The following MTOR variants were observed in gnomAD, a reference collection of about 807,000 sequenced individuals.
MTOR encodes mechanistic target of rapamycin kinase.
In MTOR, 70 loss-of-function variants were observed where a neutral mutation model predicts 319.8. The ratio of observed to expected loss-of-function variants is 0.22; its 90% CI spans 0.18 to 0.27. The LOEUF (loss-of-function observed/expected upper bound fraction) is 0.27, where lower values mean the gene tolerates loss of function less well. Among genes scored for constraint, MTOR ranks in the 10% least tolerant of loss-of-function variants. The pLI is 1.00. For missense variants in MTOR, 1,890 were observed against 3,274.4 expected (o/e 0.58, Z 10.32); for synonymous variants, 1,183 against 1,211.4 (o/e 0.98, Z 0.49).
chr1:11,122,512 T>A (rs1175920686), intron 47 of MTOR, among the ~76,000 whole-genome samples: 2 of 148,046 alleles, frequency 1.4e-5, no homozygotes, highest in Admixed American at 6.7e-5. Context: ...ATTTTTTTTT[T>A]TTTTTTTTTT....
At position 11,115,679 on chromosome 1, in the gene MTOR, G is replaced by A. The variant is rs1006282245; in HGVS notation, c.7017-211C>T. ...CTGTTCCAGGCTGCTTCCATGCTAC[G>A]ACAGCAGAGCTGACTAGTTGTGACA... On this transcript the variant is annotated intron_variant, in intron 50 of 57. Coordinates refer to ENST00000361445, the MANE Select transcript of MTOR (RefSeq NM_004958.4). This position sits in a 1 kb window ranked among gnomAD's most constrained non-coding sequence, Gnocchi z 4.5. The A allele has an allele frequency of 1.9e-6, 1 of 536,452 alleles. No homozygotes were observed. The highest frequency in any genetic ancestry group is 3.4e-6 in the Non-Finnish European group (1 of 295,072). The allele number at this position is 536,452 out of a possible 1,614,324, so 33.2% of individuals were successfully genotyped here.
At position 11,204,624 on chromosome 1, in the gene MTOR, T is replaced by G; in HGVS notation, c.3881A>C (p.Asp1294Ala). 1.2e-6 allele frequency: 2 copies of G among 1,614,124 alleles called. No homozygotes were observed. The highest frequency in any genetic ancestry group is 1.7e-6 in the Non-Finnish European group (2 of 1,180,036). The change falls in exon 26 of 58, where the codon GAC (aspartate) becomes GCC (alanine). Residue 1294 changes from aspartate to alanine, a missense_variant. Physicochemically the swap from Asp to Ala is moderately radical, Grantham distance 126. Around this residue, in one of 15 missense-constraint regions of MTOR, gnomAD observed 49 missense variants for 119.1 expected, o/e 0.41. Coordinates refer to ENST00000361445, the MANE Select transcript of MTOR (RefSeq NM_004958.4). ...GGAGCGCAGGGAGGGCGATGATGAG[T>G]CCTTCAGCAGCTCCAGGCTCAGCCG... ...LRRLSLELLK[D>A]SSSPSLRSCW...
At chr1:11,119,754 AAAAC>A (rs1442267915) in intron 49 of MTOR, among the ~76,000 whole-genome samples, 2 of 151,444 alleles carry the variant, frequency 1.3e-5, no homozygotes, top group East Asian at 3.9e-4. Context: ...TCAAAAAAAA[AAAAC>A]AAAACAAAAC....
intron 54 of MTOR, chr1:11,111,445 T>C (rs920092762): frequency 1.4e-4 from 22 of 156,566 alleles, no homozygotes; most frequent in Admixed American, 9.7e-4. Flanking sequence ...TGCGCCACCA[T>C]ACTCCAGCCT....
chr1:11,200,815 A>C (rs1018810172), intron 26 of MTOR, among the ~76,000 whole-genome samples: 2 of 152,094 alleles, frequency 1.3e-5, no homozygotes, highest in African/African-American at 4.8e-5. Flanking sequence ...GGAGATCGAG[A>C]CCATCCTGGC....
intron 29 of MTOR, among the ~76,000 whole-genome samples, chr1:11,164,637 C>T (rs531727420): frequency 6.6e-6 from 1 of 152,162 alleles, no homozygotes; most frequent in Non-Finnish European, 1.5e-5. Flanking sequence ...CAGGACTAGA[C>T]AGGTTCACAG....
Position 11,129,039 on chromosome 1 carries a change from G to T in MTOR, c.5715-88C>A. The T allele has an allele frequency of 9.1e-7, 1 of 1,098,398 alleles. No homozygotes were observed. The highest frequency in any genetic ancestry group is 1.3e-6 in the Non-Finnish European group (1 of 742,516). 68.0% of individuals were successfully genotyped at this position (1,098,398 alleles called of 1,614,324 possible). A position where few individuals can be genotyped will look rare whatever the true frequency, so the allele number is the denominator to read the frequency against. On this transcript the variant is annotated intron_variant, in intron 40 of 57. Coordinates refer to ENST00000361445, the MANE Select transcript of MTOR (RefSeq NM_004958.4). This position sits in a 1 kb window ranked among gnomAD's most constrained non-coding sequence, Gnocchi z 4.7. ...CATCTCTAAGGCTCCTGAGAAGAGAGCTGGCAGGGACTCCAACCAGTAACT... is the reference window on the plus strand; with the variant it reads ...CATCTCTAAGGCTCCTGAGAAGAGATCTGGCAGGGACTCCAACCAGTAACT...
intron 28 of MTOR, 48 bp from the exon 29 acceptor site, chr1:11,167,565 T>C (rs1476735396): frequency 2.0e-6 from 3 of 1,497,152 alleles, no homozygotes; most frequent in Non-Finnish European, 2.8e-6. Context: ...GGTCTGAGGG[T>C]AGGAGATGTG....
Position 11,259,434 on chromosome 1 carries a change from A to T in MTOR, c.-14-11T>A, listed in dbSNP as rs764144654. 2 of 1,521,200 alleles carry T rather than the reference A, an allele frequency of 1.3e-6. No individual in the cohort carries two copies. Among genetic ancestry groups the T allele is most frequent in the Non-Finnish European group, 1.8e-6 (2 of 1,141,524 alleles). The allele number at this position is 1,521,200 out of a possible 1,614,324, so 94.2% of individuals were successfully genotyped here. A position where few individuals can be genotyped will look rare whatever the true frequency, so the allele number is the denominator to read the frequency against. On this transcript the variant is annotated splice_polypyrimidine_tract_variant and intron_variant, in intron 1 of 57. Transcript: ENST00000361445. ...TCTTGCCCTGAGGTTCTTTAGAGAG[A>T]AGTTTCCTTTAATATTCTGGATAAG...
intron 30 of MTOR, among the ~76,000 whole-genome samples, chr1:11,151,975 C>A (rs978192318): frequency 1.3e-5 from 2 of 152,112 alleles, no homozygotes; most frequent in African/African-American, 4.8e-5. Context: ...AATTGTTACC[C>A]CAAGAGACAA....
intron 31 of MTOR, 112 bp downstream of exon 31, chr1:11,150,014 A>T: frequency 1.2e-6 from 1 of 810,354 alleles, no homozygotes; most frequent in Non-Finnish European, 2.0e-6. Flanking sequence ...GACCATTTTT[A>T]CCCTTCCATA....
intron 28 of MTOR, among the ~76,000 whole-genome samples, chr1:11,172,377 G>C (rs1008002186): frequency 4.6e-5 from 7 of 150,722 alleles, no homozygotes; most frequent in African/African-American, 1.7e-4. Flanking sequence ...CTAACATGGT[G>C]AAACCCCGTC....
intron 49 of MTOR, among the ~76,000 whole-genome samples, chr1:11,119,710 C>T (rs1642401827): frequency 6.7e-6 from 1 of 149,362 alleles, no homozygotes; most frequent in South Asian, 2.1e-4. Context: ...CGTGCTGCTG[C>T]ACTCCAGCCT....
chr1:11,221,038 A>C (rs1047326684), intron 19 of MTOR, among the ~76,000 whole-genome samples: 2 of 151,696 alleles, frequency 1.3e-5, no homozygotes, highest in African/African-American at 4.8e-5. Context: ...TCTGTCGCCC[A>C]GGCTGAAGTG....
chr1:11,176,292 G>T (rs955559778), intron 28 of MTOR, among the ~76,000 whole-genome samples: 2 of 152,110 alleles, frequency 1.3e-5, no homozygotes, highest in Admixed American at 1.3e-4. Context: ...CTTGGTTATC[G>T]CCCTCATCCC....
chr1:11,132,265 T>C (rs1008245354), intron 38 of MTOR: 2 of 152,252 alleles, frequency 1.3e-5, no homozygotes, highest in Non-Finnish European at 2.9e-5. Context: ...TTACCGGATG[T>C]ATTTTCCAGC....
At chr1:11,201,746 T>A (rs907011121) in intron 26 of MTOR, among the ~76,000 whole-genome samples, 2 of 152,218 alleles carry the variant, frequency 1.3e-5, no homozygotes, top group African/African-American at 4.8e-5. Flanking sequence ...CAATTTTGTA[T>A]TCCATTTTAT....
rs1244142350 is a variant in MTOR at position 11,199,410 on chromosome 1, A to G, written c.4108-7T>C. 6.2e-7 allele frequency: 1 copy of G among 1,614,128 alleles called. No individual in the cohort carries two copies. The highest frequency in any genetic ancestry group is 1.1e-5 in the South Asian group (1 of 91,072). On this transcript the variant is annotated splice_region_variant and splice_polypyrimidine_tract_variant and intron_variant, in intron 27 of 57. Transcript: ENST00000361445. This position sits in a 1 kb window ranked among gnomAD's most constrained non-coding sequence, Gnocchi z 4.5. Reference sequence around the variant, plus strand: ...CTCTCAGTGGCAGGGGGCCCTGGAGAAGAGCAAAACCTCACAGCACAGGAA... The same window carrying G: ...CTCTCAGTGGCAGGGGGCCCTGGAGGAGAGCAAAACCTCACAGCACAGGAA...
chr1:11,236,334 T>C (rs1350457893), intron 13 of MTOR, among the ~76,000 whole-genome samples: 2 of 151,966 alleles, frequency 1.3e-5, no homozygotes, highest in African/African-American at 4.8e-5. Context: ...ACGTGGTTTG[T>C]CATGTTCCCC....
Sources: allele counts gnomAD v4.1 joint callset (sites outside exome capture counted in the v4.1 genomes callset), GRCh38; gene constraint gnomAD v4.1.1; regional missense constraint gnomAD v4.1.1; non-coding constraint Gnocchi (gnomAD v3.1); transcripts MANE v1.5; gene names NCBI Gene and HGNC (gene_info 2026-07-23, HGNC 2026-07-21).